Variants in EPHA6 observed in about 807,000 individuals in gnomAD.
The protein encoded by EPHA6 is ephrin type-A receptor 6.
Under a neutral mutation model 112.0 loss-of-function variants are expected in EPHA6, and 50 were observed. That is an observed-to-expected ratio of 0.45 (90% confidence interval 0.36 to 0.56). EPHA6 has a LOEUF of 0.56. Ranked by LOEUF, EPHA6 falls within the 20% of genes least tolerant of loss-of-function variation. The pLI, the probability that EPHA6 is intolerant of heterozygous loss-of-function variation, is 0.00. For missense variants in EPHA6, 1,280 were observed against 1,417.4 expected, an observed-to-expected ratio of 0.90 and a Z score of 1.56; for synonymous variants, 529 against 490.7, an observed-to-expected ratio of 1.08 and a Z score of -1.03.
chr3:97,006,871 A>G (rs2043900228), intron 3 of EPHA6, among the ~76,000 whole-genome samples: 1 of 152,198 alleles, frequency 6.6e-6, no homozygotes, highest in South Asian at 2.1e-4. Flanking sequence ...CCCAGGAGTC[A>G]TTCAGGAGCA....
chr3:97,666,047 A>C (rs1251140279), intron 14 of EPHA6, among the ~76,000 whole-genome samples: 6 of 143,724 alleles, frequency 4.2e-5, no homozygotes, highest in Admixed American at 3.6e-4. Flanking sequence ...ACAGTGTGAG[A>C]CTCCATCTCA....
intron 2 of EPHA6, among the ~76,000 whole-genome samples, chr3:96,984,639 C>G (rs773005018): frequency 1.3e-5 from 2 of 152,190 alleles, no homozygotes; most frequent in Non-Finnish European, 2.9e-5. Flanking sequence ...TGTCTATGCC[C>G]TGCCCCCAGA....
intron 3 of EPHA6, among the ~76,000 whole-genome samples, chr3:97,172,681 C>T (rs1377258353): frequency 6.6e-6 from 1 of 151,856 alleles, no homozygotes; most frequent in African/African-American, 2.4e-5. Context: ...TGTACATCTG[C>T]TTTGATCATA....
chr3:97,038,847 A>G (rs1455491869), intron 3 of EPHA6, among the ~76,000 whole-genome samples: 1 of 152,062 alleles, frequency 6.6e-6, no homozygotes, highest in East Asian at 1.9e-4. Flanking sequence ...AGAGAAGGGC[A>G]TCGCAGATAT....
intron 3 of EPHA6, among the ~76,000 whole-genome samples, chr3:97,127,788 A>C (rs189560092): frequency 6.6e-6 from 1 of 151,168 alleles, no homozygotes; most frequent in African/African-American, 2.4e-5. Flanking sequence ...AGCGTGTCAT[A>C]TTTGGACATA....
chr3:96,836,004 C>A (rs950268836), intron 1 of EPHA6, among the ~76,000 whole-genome samples: 2 of 151,976 alleles, frequency 1.3e-5, no homozygotes, highest in African/African-American at 2.4e-5. Context: ...GTATAAAATT[C>A]ATCTTAGGTT....
intron 2 of EPHA6, among the ~76,000 whole-genome samples, chr3:96,925,501 C>G (rs2039988083): frequency 6.6e-6 from 1 of 151,856 alleles, no homozygotes; most frequent in South Asian, 2.1e-4. Context: ...TTTCCTTTAT[C>G]ATTTCTGACT....
intron 5 of EPHA6, among the ~76,000 whole-genome samples, chr3:97,263,372 A>C (rs1212104534): frequency 6.6e-6 from 1 of 151,912 alleles, no homozygotes; most frequent in Non-Finnish European, 1.5e-5. Context: ...ATATATGATT[A>C]AATAAAGGAA....
chr3:97,646,276 G>A lies in EPHA6; in HGVS notation c.2784+8194G>A, dbSNP rs1425815319. 2.6e-6 allele frequency: 4 copies of A among 1,531,822 alleles called. No homozygotes were observed. In the Admixed American group the frequency reaches 8.0e-5, roughly 31 times the overall value. 94.9% of individuals were successfully genotyped at this position (1,531,822 alleles called of 1,614,324 possible). ...GCCATGGGAGCCAGTGGCCAGACCA[G>A]AAAGCAATGTGACAAGAGAGATAAC... On this transcript the variant is annotated intron_variant, in intron 14 of 17. Coordinates refer to ENST00000389672, the MANE Select transcript of EPHA6 (RefSeq NM_001080448.3).
rs968694210 is a variant in EPHA6, at chr3:97,749,982, C to T, written c.*1281C>T. Reference sequence around the variant, plus strand: ...AAAAATGAGAACACAGCTGTGTTGTCATAATCTTCTGAGAGGCTTAAAAAA... The same window carrying T: ...AAAAATGAGAACACAGCTGTGTTGTTATAATCTTCTGAGAGGCTTAAAAAA... On this transcript the variant is annotated 3_prime_UTR_variant, in exon 18 of 18. Transcript: ENST00000389672. 1.3e-5 allele frequency among the ~76,000 whole-genome samples: 2 copies of T among 152,130 alleles called. No individual in the cohort carries two copies. The highest frequency in any genetic ancestry group is 2.9e-5 in the Non-Finnish European group (2 of 68,024).
At chr3:97,083,232 C>G (rs1347206455) in intron 3 of EPHA6, among the ~76,000 whole-genome samples, 1 of 151,998 alleles carries the variant, frequency 6.6e-6, no homozygotes, top group Admixed American at 6.6e-5. Flanking sequence ...ACTTCCACTT[C>G]TCTGCCTCTG....
intron 5 of EPHA6, among the ~76,000 whole-genome samples, chr3:97,365,500 C>G (rs2108956153): frequency 1.3e-5 from 2 of 151,994 alleles, no homozygotes; most frequent in South Asian, 4.2e-4. Context: ...AGGGGATTCT[C>G]CTACCTCAGC....
rs1050954727 is a variant in EPHA6 at position 97,542,402 on chromosome 3, T to C, written c.2386+9859T>C. On this transcript the variant is annotated intron_variant, in intron 11 of 17. Coordinates refer to ENST00000389672, the MANE Select transcript of EPHA6 (RefSeq NM_001080448.3). ...GAATGATGGTTTCCAGTTTCATCCA[T>C]GTCCCTACAAAGGACATGAACTCAT... Among the ~76,000 whole-genome samples, 7 of 152,338 alleles carry C rather than the reference T, an allele frequency of 4.6e-5. No homozygotes were observed. In the South Asian group the frequency reaches 1.4e-3, roughly 32 times the overall value.
chr3:97,145,019 C>T lies in EPHA6; in HGVS notation c.1115-81245C>T, dbSNP rs114325551. 6.0e-3 allele frequency among the ~76,000 whole-genome samples: 909 copies of T among 151,574 alleles called. 6 individuals are homozygous for T. Among genetic ancestry groups the T allele is most frequent in the African/African-American group, 0.021 (866 of 41,472 alleles). ...TTTTATGGACTACATCTCCTCAAAG[C>T]TTCTTGAGCTCTTCAGAAAAATGGT... is the stretch of plus-strand genomic sequence containing the variant. On this transcript the variant is annotated intron_variant, in intron 3 of 17. Transcript: ENST00000389672.
chr3:97,408,175 AC>A (rs1214590405), intron 6 of EPHA6, among the ~76,000 whole-genome samples: 1 of 152,006 alleles, frequency 6.6e-6, no homozygotes, highest in Non-Finnish European at 1.5e-5. Context: ...CACCAATCCC[AC>A]CCAAGAGGGT....
At chr3:96,926,925 C>T (rs1449814510) in intron 2 of EPHA6, among the ~76,000 whole-genome samples, 1 of 152,160 alleles carries the variant, frequency 6.6e-6, no homozygotes, top group African/African-American at 2.4e-5. Context: ...TAGGCAGTGC[C>T]CCAGTAGGGA....
chr3:97,259,903 C>A (rs778801941), intron 5 of EPHA6, among the ~76,000 whole-genome samples: 1 of 151,424 alleles, frequency 6.6e-6, no homozygotes, highest in Non-Finnish European at 1.5e-5. Context: ...TGGGTTCAAG[C>A]GATTCTTCCG....
chr3:97,447,109 C>A (rs1040879308), intron 6 of EPHA6, among the ~76,000 whole-genome samples: 7 of 151,928 alleles, frequency 4.6e-5, no homozygotes, highest in Admixed American at 2.0e-4. Context: ...ACAGAATAAC[C>A]AAATAGCATA....
At chr3:97,342,645 G>T (rs1403469203) in intron 5 of EPHA6, among the ~76,000 whole-genome samples, 2 of 152,136 alleles carry the variant, frequency 1.3e-5, no homozygotes, top group Admixed American at 6.6e-5. Flanking sequence ...ATTACGTCAT[G>T]AAGTGGAGTC....
Sources: allele counts gnomAD v4.1 joint callset (sites outside exome capture counted in the v4.1 genomes callset), GRCh38; gene constraint gnomAD v4.1.1; transcripts MANE v1.5; gene names NCBI Gene and HGNC (gene_info 2026-07-23, HGNC 2026-07-21).